Variants in RAP1B observed in about 807,000 individuals in gnomAD.
RAP1B encodes the protein ras-related protein Rap-1b.
In RAP1B, 1 loss-of-function variant was observed where a neutral mutation model predicts 27.5. The observed-to-expected ratio is 0.04, with a 90% CI of 0.01 to 0.17. The LOEUF is 0.17. Among genes scored for constraint, RAP1B ranks in the 10% least tolerant of loss-of-function variants. The probability of loss-of-function intolerance (pLI) is 1.00; values close to 1 mark genes in which losing one functional copy is unlikely to be tolerated. For missense variants in RAP1B, 84 were observed against 214.8 expected (o/e 0.39, Z 3.81); for synonymous variants, 75 against 73.1 (o/e 1.03, Z -0.13).
chr12:68,627,127 G>A, intron 1 of RAP1B: 7 of 1,580,578 alleles, frequency 4.4e-6, no homozygotes, highest in Non-Finnish European at 6.0e-6. Flanking sequence ...TGGCCAGTGT[G>A]AACCCTGGCC....
Position 68,661,997 on chromosome 12 carries a change from A to G in RAP1B, c.*2748A>G, listed in dbSNP as rs942070041. On this transcript the variant is annotated 3_prime_UTR_variant, in exon 8 of 8. Coordinates refer to ENST00000250559, the MANE Select transcript of RAP1B (RefSeq NM_001010942.3). The stretch of plus-strand genomic sequence containing the variant: ...GGAGAGTGAAATGAATGCCAGTGCT[A>G]TCCTCTAGGTCTATATATATATATA... 4 of 134,446 alleles carry G rather than the reference A, an allele frequency of 3.0e-5. No individual in the cohort carries two copies. The highest frequency in any genetic ancestry group is 1.1e-4 in the African/African-American group (4 of 37,462). 8.3% of individuals were successfully genotyped at this position (134,446 alleles called of 1,614,324 possible).
intron 7 of RAP1B, among the ~76,000 whole-genome samples, chr12:68,658,561 AT>A (rs1874393145): frequency 6.6e-6 from 1 of 152,264 alleles, no homozygotes; most frequent in African/African-American, 2.4e-5. Context: ...CGAGGCATGT[AT>A]GCAGAAAACT....
rs1029277525 is a variant in RAP1B, at chr12:68,660,905, G to T, written c.*1656G>T. 6.6e-6 allele frequency: 1 copy of T among 152,146 alleles called. No individual in the cohort carries two copies. Among genetic ancestry groups the T allele is most frequent in the African/African-American group, 2.4e-5 (1 of 41,424 alleles). The allele number at this position is 152,146 out of a possible 1,614,324, so 9.4% of individuals were successfully genotyped here. ...AATACAGGATTGAAGTTAGAATATTGTGGTTATAAAAATCTTTGAGTGATG... is the reference window on the plus strand; with the variant it reads ...AATACAGGATTGAAGTTAGAATATTTTGGTTATAAAAATCTTTGAGTGATG... On this transcript the variant is annotated 3_prime_UTR_variant, in exon 8 of 8. Transcript: ENST00000250559.
intron 1 of RAP1B, among the ~76,000 whole-genome samples, chr12:68,626,156 C>T (rs1161464084): frequency 1.3e-5 from 2 of 152,228 alleles, no homozygotes; most frequent in Admixed American, 6.5e-5. Flanking sequence ...TGGTGGTTTG[C>T]AAAAGCACCA....
At position 68,654,359 on chromosome 12, in the gene RAP1B, G is replaced by GGA. The variant is rs1555173474; in HGVS notation, c.324+108_324+109insAG. The stretch of plus-strand genomic sequence containing the variant: ...AGCTTGTGTATTTTGGTTGGGGGGG[G>GGA]GGTGTTGGTTTTTTTAAACTTTTTC... On this transcript the variant is annotated intron_variant, in intron 5 of 7. Transcript: ENST00000250559. 2.5e-5 allele frequency: 11 copies of GGA among 441,184 alleles called. 2 individuals are homozygous for GGA. The highest frequency in any genetic ancestry group is 1.3e-4 in the South Asian group (3 of 22,500). The allele number at this position is 441,184 out of a possible 1,614,324, so 27.3% of individuals were successfully genotyped here.
At chr12:68,624,811 T>G (rs1473823255) in intron 1 of RAP1B, 1 of 152,346 alleles carries the variant, frequency 6.6e-6, no homozygotes, top group African/African-American at 2.4e-5. Flanking sequence ...TGAGACTCCG[T>G]CTCAAACAAC....
chr12:68,654,943 A>G (rs931857796), intron 5 of RAP1B, among the ~76,000 whole-genome samples: 5 of 152,140 alleles, frequency 3.3e-5, no homozygotes, highest in African/African-American at 1.2e-4. Context: ...CTGATTCAGT[A>G]GGTCAGCAGT....
At chr12:68,638,633 TA>T (rs1318837686) in intron 1 of RAP1B, among the ~76,000 whole-genome samples, 7 of 152,326 alleles carry the variant, frequency 4.6e-5, no homozygotes, top group East Asian at 1.9e-4. Flanking sequence ...CAGTGCAATT[TA>T]TTTTTTTATA....
Position 68,633,461 on chromosome 12 carries a change from G to A in RAP1B, c.-26-15238G>A, listed in dbSNP as rs147624620. Among the ~76,000 whole-genome samples, 126 of 152,316 alleles carry A rather than the reference G, an allele frequency of 8.3e-4. 1 individual carries two copies. In the East Asian group the frequency reaches 0.013, roughly 16 times the overall value. ...CTGCTTCATTGTGAGCTAACACAGC[G>A]CAAACACTGTGAACATTTTAATTTA... On this transcript the variant is annotated intron_variant, in intron 1 of 7. Coordinates refer to ENST00000250559, the MANE Select transcript of RAP1B (RefSeq NM_001010942.3).
chr12:68,629,932 A>G (rs775404530), intron 1 of RAP1B, among the ~76,000 whole-genome samples: 9 of 152,220 alleles, frequency 5.9e-5, no homozygotes, highest in Admixed American at 2.6e-4. Flanking sequence ...CCATCAGACA[A>G]CAGTGCTAGA....
At chr12:68,656,862 T>G (rs2135970300) in intron 6 of RAP1B, among the ~76,000 whole-genome samples, 1 of 152,322 alleles carries the variant, frequency 6.6e-6, no homozygotes, top group Non-Finnish European at 1.5e-5. Flanking sequence ...ATGTTCTAAT[T>G]GAACTAAGTT....
At chr12:68,627,194 G>T in intron 1 of RAP1B, 2 of 1,538,006 alleles carry the variant, frequency 1.3e-6, no homozygotes, top group African/African-American at 1.4e-5. Context: ...ACCTACACTG[G>T]GGTAGTGCAA....
chr12:68,644,365 C>T (rs1017144415), intron 1 of RAP1B, among the ~76,000 whole-genome samples: 1 of 152,018 alleles, frequency 6.6e-6, no homozygotes, highest in African/African-American at 2.4e-5. Flanking sequence ...CCAAGGCGGG[C>T]GGATCAGGAG....
intron 7 of RAP1B, among the ~76,000 whole-genome samples, chr12:68,657,963 G>A (rs1389028198): frequency 6.6e-6 from 1 of 151,292 alleles, no homozygotes; most frequent in Non-Finnish European, 1.5e-5. Flanking sequence ...TGTGCAGGAT[G>A]TGCAGGTTTG....
At chr12:68,647,649 T>A (rs1314056280) in intron 1 of RAP1B, among the ~76,000 whole-genome samples, 1 of 151,566 alleles carries the variant, frequency 6.6e-6, no homozygotes, top group African/African-American at 2.4e-5. Flanking sequence ...GGAAGTTCCA[T>A]GGTTGGCAAA....
At chr12:68,636,559 C>G (rs1872645107) in intron 1 of RAP1B, among the ~76,000 whole-genome samples, 1 of 152,186 alleles carries the variant, frequency 6.6e-6, no homozygotes. Flanking sequence ...TTTTGAGCAG[C>G]TGGGACTCTA....
At chr12:68,654,338 T>G in intron 5 of RAP1B, 86 bp downstream of exon 5, 2 of 303,284 alleles carry the variant, frequency 6.6e-6, no homozygotes. Flanking sequence ...TTTTAAAGCT[T>G]GTGTATTTTG....
At chr12:68,619,891 C>A (rs1177787443) in intron 1 of RAP1B, among the ~76,000 whole-genome samples, 1 of 152,060 alleles carries the variant, frequency 6.6e-6, no homozygotes. Flanking sequence ...TATTTTTAAG[C>A]CTATTTTTGG....
rs1592452441 is a variant in RAP1B at position 68,642,784 on chromosome 12, A to G, written c.-26-5915A>G. ...GAACCTTCAGGGCATTAAACTTCTT[A>G]AAGTCATCCACCAAACCGGCCTTGG... On this transcript the variant is annotated intron_variant, in intron 1 of 7. Coordinates refer to ENST00000250559, the MANE Select transcript of RAP1B (RefSeq NM_001010942.3). The G allele has an allele frequency of 1.9e-5, 20 of 1,043,892 alleles. No individual in the cohort carries two copies. In the East Asian group the frequency reaches 4.7e-4, roughly 25 times the overall value. 64.7% of individuals were successfully genotyped at this position (1,043,892 alleles called of 1,614,324 possible).
Sources: allele counts gnomAD v4.1 joint callset (sites outside exome capture counted in the v4.1 genomes callset), GRCh38; gene constraint gnomAD v4.1.1; transcripts MANE v1.5; gene names NCBI Gene and HGNC (gene_info 2026-07-23, HGNC 2026-07-21).